Variants in SNAPC4 observed in about 807,000 individuals in gnomAD.
The protein encoded by SNAPC4 is small nuclear RNA activating complex polypeptide 4, also known as snRNA-activating protein complex subunit 4.
Under a neutral mutation model 151.3 loss-of-function variants are expected in SNAPC4, and 127 were observed. The observed-to-expected ratio is 0.84, with a 90% CI of 0.73 to 0.97. The LOEUF (loss-of-function observed/expected upper bound fraction) is 0.97. Ranked by LOEUF, SNAPC4 falls within the 50% of genes least tolerant of loss-of-function variation. The pLI, the probability that SNAPC4 is intolerant of heterozygous loss-of-function variation, is 0.00. For synonymous variants in SNAPC4, 1,002 were observed against 824.4 expected (o/e 1.22, Z -3.69); for missense variants, 2,186 against 1,935.0 (o/e 1.13, Z -2.43).
chr9:136,378,113 C>T lies in SNAPC4; in HGVS notation c.3714G>A (p.Glu1238=), dbSNP rs760702788. Residue 1238 remains glutamate (E), a synonymous_variant, in exon 22 of 24, where the codon GAG becomes GAA. Coordinates refer to ENST00000684778, the MANE Select transcript of SNAPC4 (RefSeq NM_003086.4). ...TQEPRGPLGL[E]KLPLRQPGPE... ...GCCCAGGCTGGCGCAGGGGCAGCTTCTCCAGGCCCAGAGGCCCCCTGGGCT... is the reference window on the plus strand; with the variant it reads ...GCCCAGGCTGGCGCAGGGGCAGCTTTTCCAGGCCCAGAGGCCCCCTGGGCT... 5.0e-6 allele frequency: 8 copies of T among 1,598,216 alleles called. No homozygotes were observed. Among genetic ancestry groups the T allele is most frequent in the African/African-American group, 1.3e-5 (1 of 74,744 alleles).
Position 136,378,596 on chromosome 9 carries a change from G to T in SNAPC4, c.3231C>A (p.Thr1077=), listed in dbSNP as rs573845967. The change falls in exon 22 of 24, where the codon ACC becomes ACA. Residue 1077 remains threonine (T), a synonymous_variant. Coordinates refer to ENST00000684778, the MANE Select transcript of SNAPC4 (RefSeq NM_003086.4). ...HVATSVPLPV[T]WVLTAQGLLP... ...GAAGCCCCTGGGCTGTGAGCACCCAGGTGACAGGCAGGGGGACACTGGTCG... is the reference window on the plus strand; with the variant it reads ...GAAGCCCCTGGGCTGTGAGCACCCATGTGACAGGCAGGGGGACACTGGTCG... 15 of 1,582,970 alleles carry T rather than the reference G, an allele frequency of 9.5e-6. No individual in the cohort carries two copies. In the Middle Eastern group the frequency reaches 6.9e-4, roughly 73 times the overall value.
chr9:136,394,936 A>G (rs1834210169), intron 5 of SNAPC4, 58 bp from the exon 6 acceptor site: 3 of 1,485,262 alleles, frequency 2.0e-6, no homozygotes. Flanking sequence ...CTGCAGGCCC[A>G]GCACATCCCT....
In SNAPC4 at chr9:136,376,279, G is replaced by C. The variant is rs571273426; in HGVS notation, c.*7+70C>G. On this transcript the variant is annotated intron_variant, in intron 23 of 23. Transcript: ENST00000684778. ...GCCAAAGAGCCGAGCAGAGGCCAAG[G>C]CCCCCTGCCATCTGGACACCACTCT... The C allele has an allele frequency of 5.1e-5, 80 of 1,568,034 alleles. 1 individual carries two copies. The South Asian group carries it at 8.6e-4, about 17-fold the overall frequency.
In SNAPC4 at chr9:136,376,366, C is replaced by A; in HGVS notation, c.4400G>T (p.Arg1467Leu). ...GGACTCACCTGCTGCTCACACCAGC[C>A]GCCTCCGCTTCCGGGTGTGCCTGGC... ...RHARHTRKRR[R>L]LV Residue 1467 changes from arginine to leucine, a missense_variant, in exon 23 of 24, where the codon CGG becomes CTG. Physicochemically the swap from Arg to Leu is moderately radical, Grantham distance 102. Transcript: ENST00000684778. 1 of 1,613,190 alleles carries A rather than the reference C, an allele frequency of 6.2e-7. No individual in the cohort carries two copies. Among genetic ancestry groups the A allele is most frequent in the Non-Finnish European group, 8.5e-7 (1 of 1,179,946 alleles).
At chr9:136,391,738 G>A (rs1192711867) in intron 10 of SNAPC4, among the ~76,000 whole-genome samples, 1 of 152,266 alleles carries the variant, frequency 6.6e-6, no homozygotes, top group Non-Finnish European at 1.5e-5. Context: ...GGACTGGGAA[G>A]GCCCAGAGGA....
chr9:136,389,214 T>G (rs1833989476), intron 10 of SNAPC4, among the ~76,000 whole-genome samples: 1 of 152,188 alleles, frequency 6.6e-6, no homozygotes, highest in Non-Finnish European at 1.5e-5. Flanking sequence ...CTCAAGGGGT[T>G]TTCCAAGAGC....
chr9:136,379,931 G>A (rs1465163062), intron 20 of SNAPC4, 67 bp from the exon 21 acceptor site: 1 of 1,517,868 alleles, frequency 6.6e-7, no homozygotes. Flanking sequence ...ACCTCTCCTA[G>A]CATCTGGACT....
Position 136,391,948 on chromosome 9 carries a change from C to T in SNAPC4, c.969G>A (p.Glu323=). Residue 323 remains glutamate, a synonymous_variant, in exon 10 of 24, where the codon GAG becomes GAA. Transcript: ENST00000684778. ...GTCCAGGCCAGGCCCTTACCCCCAG[C>T]TCCTCTGCAATCTTCTGCCACTCCA... The part of the protein sequence containing the change: ...GHLEWQKIAE[E]LGTSRSAFQC... 6.2e-7 allele frequency: 1 copy of T among 1,602,532 alleles called. No homozygotes were observed. The highest frequency in any genetic ancestry group is 8.5e-7 in the Non-Finnish European group (1 of 1,179,874).
At chr9:136,392,811 C>T in intron 7 of SNAPC4, 34 bp from the exon 8 acceptor site, 1 of 1,581,792 alleles carries the variant, frequency 6.3e-7, no homozygotes. Context: ...AGGGCTGGGG[C>T]ACGAGGGCTG....
At position 136,380,780 on chromosome 9, in the gene SNAPC4, GGCA is replaced by G; in HGVS notation, c.2456_2458del (p.Leu819del). 1 of 1,611,118 alleles carries G rather than the reference GGCA, an allele frequency of 6.2e-7. No homozygotes were observed. The highest frequency in any genetic ancestry group is 8.5e-7 in the Non-Finnish European group (1 of 1,178,288). On this transcript the variant is annotated inframe_deletion, in exon 20 of 24. Coordinates refer to ENST00000684778, the MANE Select transcript of SNAPC4 (RefSeq NM_003086.4). ...TGGTGGGTCCCGAGCACCAGCCTGG[GGCA>G]GCCTGGGTGGCAGGGCCTTCCTCTC...
chr9:136,379,592 C>T (rs1833614152), intron 21 of SNAPC4, among the ~76,000 whole-genome samples: 1 of 152,224 alleles, frequency 6.6e-6, no homozygotes, highest in South Asian at 2.1e-4. Flanking sequence ...ACGCTCGCTC[C>T]AGACGACCCC....
intron 5 of SNAPC4, among the ~76,000 whole-genome samples, chr9:136,395,084 C>A (rs907966174): frequency 6.6e-6 from 1 of 152,230 alleles, no homozygotes; most frequent in African/African-American, 2.4e-5. Context: ...GGCACCTCCA[C>A]GAGGGCTTGC....
In SNAPC4 at chr9:136,394,840, G is replaced by A. The variant is rs767926650; in HGVS notation, c.510C>T (p.Ala170=). The change falls in exon 6 of 24, where the codon GCC becomes GCT. Residue 170 remains alanine, a synonymous_variant. Coordinates refer to ENST00000684778, the MANE Select transcript of SNAPC4 (RefSeq NM_003086.4). ...GCTCCTCGAAAGCCTTGATCCCCTG[G>A]GCAGCCTTCTCTCGTGTGTCCTCGT... The part of the protein sequence containing the change: ...PANEDTREKA[A]QGIKAFEELL... The A allele has an allele frequency of 4.3e-6, 7 of 1,613,954 alleles. No individual in the cohort carries two copies. The highest frequency in any genetic ancestry group is 2.2e-5 in the South Asian group (2 of 91,088).
Position 136,382,331 on chromosome 9 carries a change from C to A in SNAPC4, c.1989G>T (p.Gly663=). The A allele has an allele frequency of 1.2e-6, 2 of 1,613,038 alleles. No homozygotes were observed. Among genetic ancestry groups the A allele is most frequent in the Non-Finnish European group, 1.7e-6 (2 of 1,179,910 alleles). ...AGAEKQALEG[G]RRLLTVPVET... The stretch of plus-strand genomic sequence containing the variant: ...CCACAGGCACTGTCAGCAGACGCCT[C>A]CCACCCTGATGAGAAAGCTGCCTGA... The change falls in exon 17 of 24, where the codon GGG becomes GGT. Residue 663 remains glycine, a synonymous_variant. Transcript: ENST00000684778.
At chr9:136,394,997 C>A in intron 5 of SNAPC4, 119 bp from the exon 6 acceptor site, 1 of 927,292 alleles carries the variant, frequency 1.1e-6, no homozygotes, top group Non-Finnish European at 1.6e-6. Flanking sequence ...TTCTCCCGTA[C>A]TGTGAGGCTG....
chr9:136,384,143 T>A (rs1833810394), intron 14 of SNAPC4, 111 bp from the exon 15 acceptor site: 1 of 808,690 alleles, frequency 1.2e-6, no homozygotes, highest in Non-Finnish European at 2.0e-6. Flanking sequence ...GAGCCTCCTG[T>A]GCACTCTCAC....
chr9:136,386,004 C>A (rs557631350), intron 13 of SNAPC4, among the ~76,000 whole-genome samples: 15 of 152,234 alleles, frequency 9.9e-5, no homozygotes, highest in Middle Eastern at 6.8e-3. Flanking sequence ...ACTTTCGATT[C>A]TTTTGGGTTT....
At chr9:136,393,415 G>A (rs1216483178) in intron 7 of SNAPC4, among the ~76,000 whole-genome samples, 1 of 152,252 alleles carries the variant, frequency 6.6e-6, no homozygotes, top group Admixed American at 6.5e-5. Flanking sequence ...GCTGTTGAGT[G>A]GCCAACCAGG....
At position 136,383,710 on chromosome 9, in the gene SNAPC4, G is replaced by A. The variant is rs201823239; in HGVS notation, c.1501-42C>T. On this transcript the variant is annotated intron_variant, in intron 15 of 23. Coordinates refer to ENST00000684778, the MANE Select transcript of SNAPC4 (RefSeq NM_003086.4). This position sits in a 1 kb window ranked among gnomAD's most constrained non-coding sequence, Gnocchi z 4.2. ...GCTACTTAGAGGCCTTGGCAAGCCC[G>A]GTTCACCCATGATGGCAGCAAGCAG... 25 of 1,565,732 alleles carry A rather than the reference G, an allele frequency of 1.6e-5. No individual in the cohort carries two copies. In the East Asian group the frequency reaches 2.7e-4, roughly 17 times the overall value.
Sources: allele counts gnomAD v4.1 joint callset (sites outside exome capture counted in the v4.1 genomes callset), GRCh38; gene constraint gnomAD v4.1.1; non-coding constraint Gnocchi (gnomAD v3.1); transcripts MANE v1.5; gene names NCBI Gene and HGNC (gene_info 2026-07-23, HGNC 2026-07-21).